The following UBR3 variants were observed in gnomAD, a reference collection of about 807,000 sequenced individuals.
UBR3 encodes the protein E3 ubiquitin-protein ligase UBR3.
UBR3 carries 85 observed loss-of-function variants against 243.2 expected under a neutral mutation model. The observed-to-expected ratio is 0.35, with a 90% confidence interval of 0.29 to 0.42. UBR3 has a LOEUF of 0.42. UBR3 is among the 10% of genes least tolerant of loss of function. UBR3 has a pLI of 1.00. For missense variants in UBR3, 1,686 were observed against 2,300.8 expected (o/e 0.73, Z 5.47); for synonymous variants, 748 against 799.8 (o/e 0.94, Z 1.09).
At chr2:170,076,951 A>G (rs1421733166) in intron 36 of UBR3, among the ~76,000 whole-genome samples, 3 of 152,200 alleles carry the variant, frequency 2.0e-5, no homozygotes, top group African/African-American at 7.2e-5. Flanking sequence ...GTCATGGTCA[A>G]TCCCTCCAGG....
chr2:170,024,269 G>T (rs575484758), intron 30 of UBR3, among the ~76,000 whole-genome samples: 1 of 143,488 alleles, frequency 7.0e-6, no homozygotes, highest in African/African-American at 2.6e-5. Context: ...CAGGAGAATT[G>T]CTTGAATCCG....
At chr2:169,891,472 G>A (rs1402525178) in intron 6 of UBR3, among the ~76,000 whole-genome samples, 2 of 152,134 alleles carry the variant, frequency 1.3e-5, no homozygotes, top group East Asian at 3.8e-4. Flanking sequence ...CCAAAAGGAA[G>A]TCTTTTCATT....
chr2:169,964,437 G>A (rs993675226), intron 24 of UBR3: 12 of 469,936 alleles, frequency 2.6e-5, no homozygotes, highest in African/African-American at 1.4e-4. Context: ...ATTAAGCAAC[G>A]TACCCAGAGC....
chr2:169,837,107 CT>C (rs2082135622), intron 1 of UBR3, among the ~76,000 whole-genome samples: 1 of 152,144 alleles, frequency 6.6e-6, no homozygotes, highest in Admixed American at 6.5e-5. Flanking sequence ...ACACTTAGGT[CT>C]TTTGTCCATC....
At chr2:169,835,671 C>A (rs1458196246) in intron 1 of UBR3, among the ~76,000 whole-genome samples, 1 of 152,060 alleles carries the variant, frequency 6.6e-6, no homozygotes, top group Non-Finnish European at 1.5e-5. Context: ...GAACTCCTGA[C>A]CTCAGGCAAT....
chr2:170,070,843 G>A (rs1179136119), intron 35 of UBR3, among the ~76,000 whole-genome samples: 1 of 152,090 alleles, frequency 6.6e-6, no homozygotes, highest in African/African-American at 2.4e-5. Context: ...ATGGTATGTG[G>A]CTTATACCTA....
At chr2:169,925,878 C>T (rs1197947151) in intron 14 of UBR3, 131 bp downstream of exon 14, 23 of 900,124 alleles carry the variant, frequency 2.6e-5, no homozygotes, top group Non-Finnish European at 3.4e-5. Flanking sequence ...TTTTTACTTA[C>T]ATTTCCCAGG....
At chr2:169,939,436 T>TA (rs2086485889) in intron 19 of UBR3, among the ~76,000 whole-genome samples, 1 of 147,758 alleles carries the variant, frequency 6.8e-6, no homozygotes, top group Non-Finnish European at 1.5e-5. Context: ...TTTTTTGTAT[T>TA]TTTTTTTTTT....
At chr2:169,916,539 C>T (rs944395158) in intron 11 of UBR3, among the ~76,000 whole-genome samples, 1 of 152,050 alleles carries the variant, frequency 6.6e-6, no homozygotes, top group African/African-American at 2.4e-5. Context: ...CCTGTTCACC[C>T]TCTTCGTGCT....
At chr2:169,983,089 GA>G (rs1438298600) in intron 24 of UBR3, among the ~76,000 whole-genome samples, 4 of 151,938 alleles carry the variant, frequency 2.6e-5, no homozygotes, top group African/African-American at 9.7e-5. Context: ...GAGAGAGTGA[GA>G]GCGAGAGAGA....
At chr2:169,871,275 G>GGCT in intron 1 of UBR3, among the ~76,000 whole-genome samples, 1 of 151,976 alleles carries the variant, frequency 6.6e-6, no homozygotes, top group Non-Finnish European at 1.5e-5. Flanking sequence ...AATGTAGCAA[G>GGCT]ACCCTGTCTC....
At chr2:169,910,602 A>G (rs982938400) in intron 10 of UBR3, among the ~76,000 whole-genome samples, 1 of 152,154 alleles carries the variant, frequency 6.6e-6, no homozygotes, top group African/African-American at 2.4e-5. Context: ...TCCTGGCAGT[A>G]TCTGAGAGAG....
chr2:170,078,376 G>T, intron 36 of UBR3: 2 of 238,024 alleles, frequency 8.4e-6, no homozygotes, highest in Non-Finnish European at 1.6e-5. Context: ...CACACAGGCC[G>T]CAACAGGAAA....
At chr2:169,829,113 C>T (rs2081842213) in intron 1 of UBR3, among the ~76,000 whole-genome samples, 1 of 152,170 alleles carries the variant, frequency 6.6e-6, no homozygotes, top group Admixed American at 6.5e-5. Context: ...GGATTAATGA[C>T]AGAGTACAAT....
chr2:169,996,612 ATG>A (rs946033556), intron 26 of UBR3, among the ~76,000 whole-genome samples: 1 of 148,784 alleles, frequency 6.7e-6, no homozygotes, highest in Non-Finnish European at 1.5e-5. Flanking sequence ...CAGTCTCTGT[ATG>A]TGTGTGTGTA....
At chr2:169,878,475 A>C in intron 4 of UBR3, 50 bp from the exon 5 acceptor site, 2 of 1,476,088 alleles carry the variant, frequency 1.4e-6, no homozygotes, top group South Asian at 1.3e-5. Flanking sequence ...TTGAAAATAA[A>C]GCAATATGTA....
chr2:169,990,188 A>G (rs1280835962), intron 25 of UBR3, among the ~76,000 whole-genome samples: 1 of 152,162 alleles, frequency 6.6e-6, no homozygotes, highest in Non-Finnish European at 1.5e-5. Flanking sequence ...TATTTGATTT[A>G]TGCTAAATTA....
intron 2 of UBR3, among the ~76,000 whole-genome samples, chr2:169,873,529 G>T (rs1349935297): frequency 1.3e-5 from 2 of 151,908 alleles, no homozygotes; most frequent in East Asian, 1.9e-4. Context: ...AGTTAGCTGG[G>T]TGTGGTGGTG....
chr2:169,937,134 G>C (rs1285572987), intron 19 of UBR3, among the ~76,000 whole-genome samples: 7 of 151,848 alleles, frequency 4.6e-5, no homozygotes, highest in African/African-American at 1.7e-4. Flanking sequence ...TAGTGTAAAA[G>C]TGTTCCTACT....
Sources: gnomAD v4.1 joint callset for allele counts (sites outside exome capture counted in the v4.1 genomes callset) on GRCh38, gnomAD v4.1.1 for gene constraint, MANE v1.5 for transcripts, NCBI Gene and HGNC (gene_info 2026-07-23, HGNC 2026-07-21) for gene names.